The following TRIM14 variants were observed in gnomAD, a reference collection of about 807,000 sequenced individuals.
TRIM14 encodes the protein tripartite motif containing 14.
TRIM14 carries 28 observed loss-of-function variants against 44.5 expected under a neutral mutation model. That is an observed-to-expected ratio of 0.63 (90% CI 0.47 to 0.86). The LOEUF is 0.86. TRIM14 is among the 40% of genes least tolerant of loss of function. The probability of loss-of-function intolerance (pLI) is 0.00; values close to 1 mark genes in which losing one functional copy is unlikely to be tolerated. For synonymous variants in TRIM14, 299 were observed against 269.2 expected (o/e 1.11, Z -1.08); for missense variants, 607 against 611.1 (o/e 0.99, Z 0.07).
chr9:98,065,089 G>A (rs1039894723), downstream of TRIM14, among the ~76,000 whole-genome samples: 1 of 152,170 alleles, frequency 6.6e-6, no homozygotes, highest in African/African-American at 2.4e-5. Context: ...TGACATAGCA[G>A]CCTGCATTCA....
intron 2 of TRIM14, among the ~76,000 whole-genome samples, chr9:98,101,604 C>T (rs1380963696): frequency 1.3e-5 from 2 of 151,734 alleles, no homozygotes; most frequent in African/African-American, 4.8e-5. Flanking sequence ...GTATTTTTAG[C>T]AGAGACAGGG....
At chr9:98,048,809 G>A in the TRIM14 span, among the ~76,000 whole-genome samples, 1 of 152,108 alleles carries the variant, frequency 6.6e-6, no homozygotes, top group Non-Finnish European at 1.5e-5. Flanking sequence ...GTATCACAAG[G>A]TCAGGAGATC....
chr9:98,074,992 CAGGA>C (rs1829519061), intron 6 of TRIM14: 1 of 152,022 alleles, frequency 6.6e-6, no homozygotes. Context: ...GAGACACAAA[CAGGA>C]AGGAGTGAGG....
the TRIM14 span, chr9:98,056,981 G>A: frequency 6.5e-7 from 1 of 1,532,680 alleles, no homozygotes; most frequent in Non-Finnish European, 8.8e-7. Flanking sequence ...CGGGCGCCGG[G>A]AGGGGCGGGG....
chr9:98,054,530 C>T, the TRIM14 span, among the ~76,000 whole-genome samples: 1 of 152,152 alleles, frequency 6.6e-6, no homozygotes, highest in African/African-American at 2.4e-5. Flanking sequence ...GCTGCAGCTG[C>T]AGACAATCCA....
At position 98,095,921 on chromosome 9, in the gene TRIM14, C is replaced by T. The variant is rs1406924059; in HGVS notation, c.538-892G>A. 1.3e-5 allele frequency among the ~76,000 whole-genome samples: 2 copies of T among 152,192 alleles called. No homozygotes were observed. The highest frequency in any genetic ancestry group is 6.5e-5 in the Admixed American group (1 of 15,282). ...CTTCCATCCCGACTCTCTGGCCCTCCTGGAGATCCTATGGGCTATCTCATA... is the reference window on the plus strand; with the variant it reads ...CTTCCATCCCGACTCTCTGGCCCTCTTGGAGATCCTATGGGCTATCTCATA... On this transcript the variant is annotated intron_variant, in intron 3 of 5. Coordinates refer to ENST00000341469, the MANE Select transcript of TRIM14 (RefSeq NM_014788.4). The surrounding 1 kb of genome is among the most constrained non-coding windows in gnomAD (Gnocchi z 4.1).
chr9:98,073,271 C>CCT (rs1564161444), intron 6 of TRIM14, among the ~76,000 whole-genome samples: 44 of 57,824 alleles, frequency 7.6e-4, no homozygotes, highest in Non-Finnish European at 1.2e-3. Context: ...TCACCATGGG[C>CCT]TTTTTTTTTT....
At chr9:98,078,399 C>A (rs368451097) in intron 6 of TRIM14, 1 of 1,567,036 alleles carries the variant, frequency 6.4e-7, no homozygotes, top group African/African-American at 1.4e-5. Context: ...ATGGGGAAGG[C>A]GTAGTCTTTT....
the TRIM14 span, among the ~76,000 whole-genome samples, chr9:98,038,873 AC>A: frequency 6.6e-6 from 1 of 151,120 alleles, no homozygotes; most frequent in Non-Finnish European, 1.5e-5. Flanking sequence ...GCATAGTGAA[AC>A]CCCGCCTCTA....
At chr9:98,060,898 G>C in the TRIM14 span, 4 of 1,614,198 alleles carry the variant, frequency 2.5e-6, no homozygotes, top group East Asian at 6.7e-5. Flanking sequence ...CGTACGGGGA[G>C]CACAAACGAC....
Position 98,099,993 on chromosome 9 carries a change from T to C in TRIM14, c.475A>G (p.Asn159Asp), listed in dbSNP as rs1826330440. 1.9e-6 allele frequency: 3 copies of C among 1,614,006 alleles called. No homozygotes were observed. The highest frequency in any genetic ancestry group is 2.5e-6 in the Non-Finnish European group (3 of 1,180,014). ...DSCREQLDIM[N>D]DLSNRVWSIS... ...CTCCAGACCCTGTTGGAGAGATCAT[T>C]CATGATGTCAAGTTGCTCTCTGCAA... The change falls in exon 3 of 6, where the codon AAT becomes GAT. Residue 159 changes from asparagine to aspartate, a missense_variant. This residue lies in a region of TRIM14 where 246 missense variants were observed against 270.8 expected (regional missense o/e 0.91). Transcript: ENST00000341469.
the TRIM14 span, among the ~76,000 whole-genome samples, chr9:98,041,609 A>G: frequency 6.6e-6 from 1 of 151,778 alleles, no homozygotes; most frequent in Non-Finnish European, 1.5e-5. Flanking sequence ...CTCCTGCCTC[A>G]GCCTCTGGAG....
chr9:98,041,660 TTTG>T, the TRIM14 span, among the ~76,000 whole-genome samples: 1 of 151,510 alleles, frequency 6.6e-6, no homozygotes, highest in African/African-American at 2.4e-5. Flanking sequence ...CCAGGCTAAT[TTTG>T]TTTTTTGTTT....
intron 1 of TRIM14, 37 bp downstream of exon 1, chr9:98,118,945 A>T (rs1290137830): frequency 4.1e-6 from 6 of 1,464,316 alleles, no homozygotes; most frequent in Non-Finnish European, 3.6e-6. Flanking sequence ...GGCTCCCCCA[A>T]CTCCCGCGCG....
chr9:98,092,409 G>C, intron 4 of TRIM14: 1 of 297,446 alleles, frequency 3.4e-6, no homozygotes, highest in East Asian at 9.1e-5. Context: ...CACTTGCTGT[G>C]CCCTCTGCCT....
the TRIM14 span, among the ~76,000 whole-genome samples, chr9:98,042,235 G>A: frequency 6.7e-6 from 1 of 149,922 alleles, no homozygotes; most frequent in African/African-American, 2.5e-5. Context: ...GGAGCTTGCA[G>A]TGAGCCAAGA....
intron 4 of TRIM14, 103 bp downstream of exon 4, chr9:98,094,764 G>A: frequency 7.1e-7 from 1 of 1,401,520 alleles, no homozygotes; most frequent in Non-Finnish European, 9.8e-7. Flanking sequence ...AAGGGCCTCA[G>A]TGTGGGAGAG....
At chr9:98,066,788 T>C (rs1021436022), downstream of TRIM14, among the ~76,000 whole-genome samples, 12 of 152,012 alleles carry the variant, frequency 7.9e-5, no homozygotes, top group African/African-American at 2.9e-4. Context: ...GTAGCTGGGA[T>C]TGCAGTCATG....
chr9:98,075,907 A>T (rs1829570237), intron 6 of TRIM14: 1 of 152,162 alleles, frequency 6.6e-6, no homozygotes, highest in South Asian at 2.1e-4. Context: ...GCAAACTGAG[A>T]TTTTACTCTT....
Sources: gnomAD v4.1 joint callset for allele counts (sites outside exome capture counted in the v4.1 genomes callset) on GRCh38, gnomAD v4.1.1 for gene constraint, gnomAD v4.1.1 regional missense constraint, Gnocchi (gnomAD v3.1) non-coding constraint, MANE v1.5 for transcripts, NCBI Gene and HGNC (gene_info 2026-07-23, HGNC 2026-07-21) for gene names.